The following KCNC1 variants were observed in gnomAD, a reference collection of about 807,000 sequenced individuals.
The protein encoded by KCNC1 is potassium voltage-gated channel subfamily C member 1, also known as voltage-gated potassium channel KCNC1.
KCNC1 carries 8 observed loss-of-function variants against 43.4 expected under a neutral mutation model. The ratio of observed to expected loss-of-function variants is 0.18; its 90% CI spans 0.11 to 0.33. KCNC1 has a LOEUF of 0.33. Among genes scored for constraint, KCNC1 ranks in the 10% least tolerant of loss-of-function variants. The pLI is 1.00. For synonymous variants in KCNC1, 361 were observed against 360.5 expected (o/e 1.00, Z -0.01); for missense variants, 420 against 836.0 (o/e 0.50, Z 6.14).
At chr11:17,774,567 T>C in intron 2 of KCNC1, 1 of 985,608 alleles carries the variant, frequency 1.0e-6, no homozygotes. Context: ...GCACACCAGC[T>C]AATCCCAGGA....
At chr11:17,747,255 CCT>C (rs928699837) in intron 1 of KCNC1, among the ~76,000 whole-genome samples, 3 of 152,134 alleles carry the variant, frequency 2.0e-5, no homozygotes, top group African/African-American at 7.2e-5. Flanking sequence ...GGTCACAACC[CCT>C]GTGAGCCTCG....
chr11:17,771,543 C>A lies in KCNC1; in HGVS notation c.571-122C>A, dbSNP rs948267059. The A allele has an allele frequency of 2.4e-6, 2 of 839,516 alleles. No homozygotes were observed. 52.0% of individuals were successfully genotyped at this position (839,516 alleles called of 1,614,324 possible). A position where few individuals can be genotyped will look rare whatever the true frequency, so the allele number is the denominator to read the frequency against. The stretch of plus-strand genomic sequence containing the variant: ...GTGCCCTGAGGAGGGAAATGTAGCA[C>A]GTGCTGCAGGGGGCCTGGTGCTGGC... On this transcript the variant is annotated intron_variant, in intron 1 of 3. Transcript: ENST00000265969. The surrounding 1 kb of genome is among the most constrained non-coding windows in gnomAD (Gnocchi z 4.7).
Position 17,776,963 on chromosome 11 carries a change from T to C in KCNC1, c.1505-2493T>C. ...GCTTCCCCACCCAATCATTAGTCCCTCCTCAAAGGTTAGGGTTGAGAGAAG... is the reference window on the plus strand; with the variant it reads ...GCTTCCCCACCCAATCATTAGTCCCCCCTCAAAGGTTAGGGTTGAGAGAAG... On this transcript the variant is annotated intron_variant, in intron 2 of 3. Transcript: ENST00000265969. The surrounding 1 kb of genome is among the most constrained non-coding windows in gnomAD (Gnocchi z 4.4). The C allele has an allele frequency of 1.0e-6, 1 of 985,366 alleles. No homozygotes were observed. The highest frequency in any genetic ancestry group is 5.2e-4 in the Middle Eastern group (1 of 1,916). 61.0% of individuals were successfully genotyped at this position (985,366 alleles called of 1,614,324 possible). A position where few individuals can be genotyped will look rare whatever the true frequency, so the allele number is the denominator to read the frequency against.
chr11:17,744,648 C>A (rs575878896), intron 1 of KCNC1, among the ~76,000 whole-genome samples: 1 of 152,256 alleles, frequency 6.6e-6, no homozygotes, highest in Admixed American at 6.5e-5. Context: ...CTCCTGTGTG[C>A]CAGGCTGTGG....
At chr11:17,757,619 C>A (rs1849036135) in intron 1 of KCNC1, among the ~76,000 whole-genome samples, 1 of 152,172 alleles carries the variant, frequency 6.6e-6, no homozygotes, top group Non-Finnish European at 1.5e-5. Context: ...TACAGGCATA[C>A]CTCGGTGATA....
chr11:17,762,746 G>A (rs1036253233), intron 1 of KCNC1, among the ~76,000 whole-genome samples: 3 of 152,164 alleles, frequency 2.0e-5, no homozygotes, highest in African/African-American at 7.2e-5. Context: ...CCTGGAGAAC[G>A]TGGTTCCCCT....
At chr11:17,752,130 G>A (rs928606373) in intron 1 of KCNC1, among the ~76,000 whole-genome samples, 2 of 152,160 alleles carry the variant, frequency 1.3e-5, no homozygotes, top group Admixed American at 6.5e-5. Context: ...ACCAGTGAAG[G>A]GACCACAGGC....
chr11:17,777,860 G>A lies in KCNC1; in HGVS notation c.1505-1596G>A. The A allele has an allele frequency of 1.0e-6, 1 of 986,344 alleles. No homozygotes were observed. Among genetic ancestry groups the A allele is most frequent in the Non-Finnish European group, 1.2e-6 (1 of 830,056 alleles). 61.1% of individuals were successfully genotyped at this position (986,344 alleles called of 1,614,324 possible). A position where few individuals can be genotyped will look rare whatever the true frequency, so the allele number is the denominator to read the frequency against. On this transcript the variant is annotated intron_variant, in intron 2 of 3. Coordinates refer to ENST00000265969, the MANE Select transcript of KCNC1 (RefSeq NM_001112741.2). The surrounding 1 kb of genome is among the most constrained non-coding windows in gnomAD (Gnocchi z 4.3). ...CTGCCTCTTTGTAGTGACATGATGT[G>A]TACACGGGCGGTAATCCCACCCACG... is the stretch of plus-strand genomic sequence containing the variant.
In KCNC1 at chr11:17,779,659, C is replaced by T; in HGVS notation, c.1693+15C>T. On this transcript the variant is annotated intron_variant, in intron 3 of 3. Coordinates refer to ENST00000265969, the MANE Select transcript of KCNC1 (RefSeq NM_001112741.2). The surrounding 1 kb of genome is among the most constrained non-coding windows in gnomAD (Gnocchi z 7.2). ...AATGAGAAAGGGTATGTAGAGGAAG[C>T]TGGAGCACCGTGCATCGTCCGGGCC... 1.3e-6 allele frequency: 2 copies of T among 1,509,580 alleles called. No homozygotes were observed. Among genetic ancestry groups the T allele is most frequent in the East Asian group, 2.5e-5 (1 of 39,622 alleles). 93.5% of individuals were successfully genotyped at this position (1,509,580 alleles called of 1,614,324 possible). A position where few individuals can be genotyped will look rare whatever the true frequency, so the allele number is the denominator to read the frequency against.
chr11:17,743,851 A>G (rs1848869226), intron 1 of KCNC1, among the ~76,000 whole-genome samples: 1 of 152,060 alleles, frequency 6.6e-6, no homozygotes, highest in Non-Finnish European at 1.5e-5. Context: ...AAGGTTCCTC[A>G]CACTTAGCCT....
chr11:17,772,741 G>T, intron 2 of KCNC1, 143 bp downstream of exon 2: 1 of 1,497,396 alleles, frequency 6.7e-7, no homozygotes. Flanking sequence ...GGAGCCTGGG[G>T]GCCCAGGGAG....
chr11:17,770,690 G>T (rs1186252609), intron 1 of KCNC1, among the ~76,000 whole-genome samples: 1 of 152,198 alleles, frequency 6.6e-6, no homozygotes, highest in Non-Finnish European at 1.5e-5. Context: ...GGCCAGAGCA[G>T]GTGGTTCTGG....
intron 1 of KCNC1, among the ~76,000 whole-genome samples, chr11:17,740,010 T>C (rs1848820374): frequency 2.0e-5 from 3 of 152,200 alleles, no homozygotes; most frequent in African/African-American, 7.2e-5. Flanking sequence ...TCAGTAGAGA[T>C]GCTTTTCTGC....
chr11:17,777,211 G>A lies in KCNC1; in HGVS notation c.1505-2245G>A. On this transcript the variant is annotated intron_variant, in intron 2 of 3. Coordinates refer to ENST00000265969, the MANE Select transcript of KCNC1 (RefSeq NM_001112741.2). This position sits in a 1 kb window ranked among gnomAD's most constrained non-coding sequence, Gnocchi z 4.3. Reference sequence around the variant, plus strand: ...CATTCAGAGCCAGAGAAGGGTCTCAGGCGGCACCATCTCCACAGAGGCAGA... The same window carrying A: ...CATTCAGAGCCAGAGAAGGGTCTCAAGCGGCACCATCTCCACAGAGGCAGA... 2 of 985,776 alleles carry A rather than the reference G, an allele frequency of 2.0e-6. No homozygotes were observed. The highest frequency in any genetic ancestry group is 2.4e-6 in the Non-Finnish European group (2 of 830,022). The allele number at this position is 985,776 out of a possible 1,614,324, so 61.1% of individuals were successfully genotyped here.
chr11:17,771,645 C>A lies in KCNC1; in HGVS notation c.571-20C>A. 1 of 1,589,300 alleles carries A rather than the reference C, an allele frequency of 6.3e-7. No individual in the cohort carries two copies. Among genetic ancestry groups the A allele is most frequent in the Non-Finnish European group, 8.6e-7 (1 of 1,162,828 alleles). Reference sequence around the variant, plus strand: ...ACTCTGGGTGGGCCTCCCTCTGACACTGTGTCTTTATCCCCACAGTATGTG... The same window carrying A: ...ACTCTGGGTGGGCCTCCCTCTGACAATGTGTCTTTATCCCCACAGTATGTG... On this transcript the variant is annotated intron_variant, in intron 1 of 3. Coordinates refer to ENST00000265969, the MANE Select transcript of KCNC1 (RefSeq NM_001112741.2). This position sits in a 1 kb window ranked among gnomAD's most constrained non-coding sequence, Gnocchi z 4.7.
At chr11:17,775,084 G>A in intron 2 of KCNC1, 2 of 985,506 alleles carry the variant, frequency 2.0e-6, no homozygotes, top group Non-Finnish European at 2.4e-6. Flanking sequence ...GAGAGTGAGG[G>A]GGAGGCCAGG....
At position 17,736,945 on chromosome 11, in the gene KCNC1, AT is replaced by A. The variant is rs1848774950; in HGVS notation, c.570+376del. ...TGTGCATGAGCGCCTGCCCGTGAAC[AT>A]TTGTGTCTTTGCAGAGGTGCACTGT... On this transcript the variant is annotated intron_variant, in intron 1 of 3. Coordinates refer to ENST00000265969, the MANE Select transcript of KCNC1 (RefSeq NM_001112741.2). The surrounding 1 kb of genome is among the most constrained non-coding windows in gnomAD (Gnocchi z 9.3). Among the ~76,000 whole-genome samples, 1 of 152,138 alleles carries A rather than the reference AT, an allele frequency of 6.6e-6. No individual in the cohort carries two copies. Among genetic ancestry groups the A allele is most frequent in the Non-Finnish European group, 1.5e-5 (1 of 68,028 alleles).
intron 1 of KCNC1, among the ~76,000 whole-genome samples, chr11:17,744,824 C>T (rs1313882108): frequency 6.6e-6 from 1 of 152,028 alleles, no homozygotes; most frequent in Non-Finnish European, 1.5e-5. Context: ...CCACCCATGC[C>T]TGACCCTCAG....
rs1479784087 is a variant in KCNC1, at chr11:17,735,844, C to A, written c.-159C>A. 9 of 802,812 alleles carry A rather than the reference C, an allele frequency of 1.1e-5. No homozygotes were observed. In the Admixed American group the frequency reaches 3.6e-4, roughly 32 times the overall value. 49.7% of individuals were successfully genotyped at this position (802,812 alleles called of 1,614,324 possible). A position where few individuals can be genotyped will look rare whatever the true frequency, so the allele number is the denominator to read the frequency against. On this transcript the variant is annotated 5_prime_UTR_variant, in exon 1 of 4. Transcript: ENST00000265969. The surrounding 1 kb of genome is among the most constrained non-coding windows in gnomAD (Gnocchi z 6.7). ...CGACAAAGCGCCCGGAGAGGCTTGG[C>A]TCGCTCGTTGGGGTGGCCAGAGCCG...
Sources: gnomAD v4.1 joint callset for allele counts (sites outside exome capture counted in the v4.1 genomes callset) on GRCh38, gnomAD v4.1.1 for gene constraint, Gnocchi (gnomAD v3.1) non-coding constraint, MANE v1.5 for transcripts, NCBI Gene and HGNC (gene_info 2026-07-23, HGNC 2026-07-21) for gene names.